ATP8B4: variants seen among roughly 807,000 people sequenced by gnomAD.
The protein encoded by ATP8B4 is ATPase phospholipid transporting 8B4 (putative).
In ATP8B4, 133 loss-of-function variants were observed where a neutral mutation model predicts 145.6. The ratio of observed to expected loss-of-function variants is 0.91; its 90% confidence interval spans 0.79 to 1.05. ATP8B4 has a LOEUF of 1.05. Ranked by LOEUF, ATP8B4 falls within the 50% of genes least tolerant of loss-of-function variation. ATP8B4 has a pLI of 0.00. For missense variants in ATP8B4, 1,458 were observed against 1,425.2 expected, an observed-to-expected ratio of 1.02 and a Z score of -0.37; for synonymous variants, 507 against 492.9, an observed-to-expected ratio of 1.03 and a Z score of -0.38.
chr15:50,008,494 CTAAAT>C (rs972926825), intron 7 of ATP8B4, among the ~76,000 whole-genome samples: 37 of 152,188 alleles, frequency 2.4e-4, no homozygotes, highest in Admixed American at 2.6e-4. Context: ...CTATTTAAAT[CTAAAT>C]TAATTAAAAT....
intron 10 of ATP8B4, among the ~76,000 whole-genome samples, chr15:49,984,505 G>A (rs986332014): frequency 3.9e-5 from 6 of 152,150 alleles, no homozygotes; most frequent in Non-Finnish European, 8.8e-5. Flanking sequence ...AGGGATGAAG[G>A]GAAGGAATGG....
chr15:50,087,309 TA>T (rs2055260466), intron 2 of ATP8B4, among the ~76,000 whole-genome samples: 1 of 117,184 alleles, frequency 8.5e-6, no homozygotes, highest in South Asian at 2.7e-4. Flanking sequence ...ATCTATTATA[TA>T]TAATAGATAT....
intron 1 of ATP8B4, among the ~76,000 whole-genome samples, chr15:50,137,451 G>A (rs151050993): frequency 6.6e-6 from 1 of 152,288 alleles, no homozygotes; most frequent in East Asian, 1.9e-4. Flanking sequence ...GAGCATCACT[G>A]TGCGTCATCA....
At chr15:49,891,872 T>C (rs2036844962) in intron 23 of ATP8B4, among the ~76,000 whole-genome samples, 1 of 151,998 alleles carries the variant, frequency 6.6e-6, no homozygotes, top group South Asian at 2.1e-4. Flanking sequence ...TCCCAGCATT[T>C]TGAGGGGTCG....
intron 9 of ATP8B4, among the ~76,000 whole-genome samples, chr15:49,988,505 G>C (rs995643141): frequency 1.3e-5 from 2 of 152,094 alleles, no homozygotes; most frequent in Admixed American, 1.3e-4. Flanking sequence ...GCTGTGGGTA[G>C]ATCCAATCAG....
intron 1 of ATP8B4, among the ~76,000 whole-genome samples, chr15:50,146,209 T>C (rs1227828002): frequency 2.6e-5 from 4 of 152,220 alleles, no homozygotes; most frequent in African/African-American, 9.6e-5. Context: ...AGACGGGGTT[T>C]CACCATCTTG....
intron 2 of ATP8B4, among the ~76,000 whole-genome samples, chr15:50,086,067 T>C (rs2055010813): frequency 9.1e-6 from 1 of 110,346 alleles, no homozygotes; most frequent in South Asian, 2.6e-4. Flanking sequence ...ATATATTATA[T>C]ATAATAAATA....
intron 1 of ATP8B4, among the ~76,000 whole-genome samples, chr15:50,153,342 CT>C (rs35816153): frequency 6.9e-4 from 99 of 143,682 alleles, no homozygotes; most frequent in Admixed American, 8.3e-4. Context: ...AAAGATACAC[CT>C]TTTTTTTTTT....
At chr15:50,031,912 C>T (rs939963987) in intron 6 of ATP8B4, among the ~76,000 whole-genome samples, 1 of 152,154 alleles carries the variant, frequency 6.6e-6, no homozygotes, top group African/African-American at 2.4e-5. Context: ...ACTTTATATA[C>T]TTCACTTTTA....
At chr15:50,006,456 A>T (rs892026884) in intron 7 of ATP8B4, among the ~76,000 whole-genome samples, 1 of 149,684 alleles carries the variant, frequency 6.7e-6, no homozygotes, top group Non-Finnish European at 1.5e-5. Flanking sequence ...GAAGTTATAA[A>T]ACTTAAAAGA....
chr15:49,949,707 T>A (rs2042898695), intron 14 of ATP8B4, among the ~76,000 whole-genome samples: 2 of 152,158 alleles, frequency 1.3e-5, no homozygotes, highest in South Asian at 4.1e-4. Flanking sequence ...AATATTATGT[T>A]GAATGGGAAT....
At chr15:50,042,082 GA>G (rs2051330728) in intron 5 of ATP8B4, among the ~76,000 whole-genome samples, 1 of 151,614 alleles carries the variant, frequency 6.6e-6, no homozygotes, top group Admixed American at 6.6e-5. Flanking sequence ...TTGAACCCAC[GA>G]GGCAGAAGTT....
intron 12 of ATP8B4, 114 bp from the exon 13 acceptor site, chr15:49,972,904 T>G (rs932447691): frequency 3.1e-6 from 3 of 964,032 alleles, no homozygotes; most frequent in Non-Finnish European, 4.5e-6. Flanking sequence ...GAGGAAAATG[T>G]GGATGCTCTG....
chr15:49,897,263 C>CA, intron 23 of ATP8B4, 29 bp downstream of exon 23: 11 of 1,550,624 alleles, frequency 7.1e-6, no homozygotes, highest in South Asian at 5.8e-5. Context: ...AACAAACAAA[C>CA]AAACAAAAAA....
intron 14 of ATP8B4, among the ~76,000 whole-genome samples, chr15:49,934,388 G>C (rs1398614218): frequency 6.6e-6 from 1 of 152,006 alleles, no homozygotes; most frequent in Non-Finnish European, 1.5e-5. Flanking sequence ...CTTTCCAAAA[G>C]TATATGGGAA....
intron 3 of ATP8B4, among the ~76,000 whole-genome samples, chr15:50,062,683 C>A (rs1006806048): frequency 2.0e-5 from 3 of 152,006 alleles, no homozygotes; most frequent in African/African-American, 7.2e-5. Context: ...CTTCTTTTGC[C>A]AGAGAAAGAT....
intron 20 of ATP8B4, 30 bp from the exon 21 acceptor site, chr15:49,901,269 A>G: frequency 6.2e-7 from 1 of 1,607,180 alleles, no homozygotes; most frequent in Non-Finnish European, 8.5e-7. Flanking sequence ...AGTGAAACAT[A>G]ACAAAGCATA....
At chr15:49,939,583 T>C (rs986998913) in intron 14 of ATP8B4, among the ~76,000 whole-genome samples, 4 of 152,100 alleles carry the variant, frequency 2.6e-5, no homozygotes, top group African/African-American at 9.7e-5. Flanking sequence ...AGACCAATAT[T>C]GAGTTCTGAA....
chr15:50,119,160 T>C lies in ATP8B4; in HGVS notation c.-80A>G, dbSNP rs1215370118. ...TTAATCCTCTCCCCCAAAAGGAAGA[T>C]TTCTCAGCAGTGCAGGAAGATCAAA... is the stretch of plus-strand genomic sequence containing the variant. On this transcript the variant is annotated 5_prime_UTR_variant, in exon 1 of 28. Coordinates refer to ENST00000284509, the MANE Select transcript of ATP8B4 (RefSeq NM_024837.4). 6.6e-6 allele frequency: 1 copy of C among 152,210 alleles called. No individual in the cohort carries two copies. The highest frequency in any genetic ancestry group is 1.5e-5 in the Non-Finnish European group (1 of 68,064). 9.4% of individuals were successfully genotyped at this position (152,210 alleles called of 1,614,324 possible). A position where few individuals can be genotyped will look rare whatever the true frequency, so the allele number is the denominator to read the frequency against.
Sources: allele counts gnomAD v4.1 joint callset (sites outside exome capture counted in the v4.1 genomes callset), GRCh38; gene constraint gnomAD v4.1.1; transcripts MANE v1.5; gene names NCBI Gene and HGNC (gene_info 2026-07-23, HGNC 2026-07-21).